SNX3: variants seen among roughly 807,000 people sequenced by gnomAD.
The protein encoded by SNX3 is sorting nexin-3.
A neutral mutation model predicts 17.7 loss-of-function variants in SNX3; 5 were observed. The observed-to-expected ratio is 0.28, with a 90% CI of 0.15 to 0.59. The LOEUF is 0.59. Ranked by LOEUF, SNX3 falls within the 20% of genes least tolerant of loss-of-function variation. The pLI, the probability that SNX3 is intolerant of heterozygous loss-of-function variation, is 0.88. For synonymous variants in SNX3, 91 were observed against 76.5 expected (o/e 1.19, Z -0.99); for missense variants, 132 against 206.8 (o/e 0.64, Z 2.22).
chr6:108,241,830 A>T (rs1775532034), intron 1 of SNX3, among the ~76,000 whole-genome samples: 1 of 152,228 alleles, frequency 6.6e-6, no homozygotes, highest in Non-Finnish European at 1.5e-5. Context: ...AGCCATAGAC[A>T]GGAGGATAAA....
intron 1 of SNX3, among the ~76,000 whole-genome samples, chr6:108,256,897 C>T (rs2114773826): frequency 6.6e-6 from 1 of 152,258 alleles, no homozygotes; most frequent in East Asian, 1.9e-4. Context: ...AAACATAACA[C>T]TGTGTAATTA....
intron 1 of SNX3, among the ~76,000 whole-genome samples, chr6:108,246,875 T>C (rs1178506421): frequency 1.3e-5 from 2 of 152,080 alleles, no homozygotes; most frequent in Non-Finnish European, 2.9e-5. Flanking sequence ...TGGATTAGCT[T>C]CTGGCAAGAG....
In SNX3 at chr6:108,241,615, T is replaced by TA. The variant is rs556126037; in HGVS notation, c.163-18571dup. Among the ~76,000 whole-genome samples the TA allele has an allele frequency of 9.2e-4, 132 of 143,314 alleles. 6 individuals are homozygous for TA. In the East Asian group the frequency reaches 0.012, roughly 13 times the overall value. 94.0% of individuals were successfully genotyped at this position (143,314 alleles called of 152,430 possible). A position where few individuals can be genotyped will look rare whatever the true frequency, so the allele number is the denominator to read the frequency against. ...AGGGTGACCCTTAGAAAACCTGGCT[T>TA]AAAAAAAAAAAATTGATCCGTGCTA... On this transcript the variant is annotated intron_variant, in intron 1 of 3. Transcript: ENST00000230085.
chr6:108,258,105 A>C lies in SNX3; in HGVS notation c.162+2655T>G, dbSNP rs146831071. Among the ~76,000 whole-genome samples the C allele has an allele frequency of 2.6e-3, 401 of 152,350 alleles. 1 individual carries two copies. The highest frequency in any genetic ancestry group is 9.3e-3 in the African/African-American group (386 of 41,582). On this transcript the variant is annotated intron_variant, in intron 1 of 3. Transcript: ENST00000230085. ...ACCCAGTGAGTTGGTTTATACAAAA[A>C]TACAAACCAAAGTAAGTGTATAATT...
chr6:108,242,422 G>A (rs981193913), intron 1 of SNX3, among the ~76,000 whole-genome samples: 9 of 152,068 alleles, frequency 5.9e-5, no homozygotes, highest in Non-Finnish European at 1.0e-4. Flanking sequence ...AGTGGCAAGA[G>A]AAATCTACTC....
chr6:108,258,250 G>C (rs1375939393), intron 1 of SNX3, among the ~76,000 whole-genome samples: 1 of 151,994 alleles, frequency 6.6e-6, no homozygotes, highest in East Asian at 2.0e-4. Context: ...ACGAGGTCAG[G>C]AGTTCAAGAC....
intron 1 of SNX3, among the ~76,000 whole-genome samples, chr6:108,239,171 G>T (rs930203411): frequency 1.3e-5 from 2 of 152,224 alleles, no homozygotes; most frequent in Middle Eastern, 3.4e-3. Flanking sequence ...CCAAAGTGCT[G>T]GGATTACAGG....
Position 108,212,171 on chromosome 6 carries a change from G to A in SNX3, c.467C>T (p.Pro156Leu). ...QDEIIDKSYT[P>L]SKIRHA Reference sequence around the variant, plus strand: ...ATTTCAGGCATGTCTTATTTTAGATGGAGTATAGCTTTTATCTATTATTTC... The same window carrying A: ...ATTTCAGGCATGTCTTATTTTAGATAGAGTATAGCTTTTATCTATTATTTC... Residue 156 changes from proline to leucine, a missense_variant, in exon 4 of 4, where the codon CCA becomes CTA. By Grantham distance (98) the Pro-to-Leu change is moderately conservative. Transcript: ENST00000230085. 6.2e-7 allele frequency: 1 copy of A among 1,602,376 alleles called. No individual in the cohort carries two copies. The highest frequency in any genetic ancestry group is 8.5e-7 in the Non-Finnish European group (1 of 1,174,074).
At chr6:108,242,811 C>T (rs1455448316) in intron 1 of SNX3, among the ~76,000 whole-genome samples, 1 of 152,098 alleles carries the variant, frequency 6.6e-6, no homozygotes, top group Admixed American at 6.6e-5. Flanking sequence ...TTTAGTCTTC[C>T]CTGAGATCAA....
rs894656237 is a variant in SNX3, at chr6:108,234,096, G to A, written c.163-11051C>T. ...ATTTACAGTGTAAAGAGGGGGTGGG[G>A]AGGGGAGAGCGGAATACTCTTCCAA... On this transcript the variant is annotated intron_variant, in intron 1 of 3. Transcript: ENST00000230085. Among the ~76,000 whole-genome samples the A allele has an allele frequency of 5.9e-5, 9 of 152,084 alleles. No homozygotes were observed. The East Asian group carries it at 7.7e-4, about 13-fold the overall frequency.
At chr6:108,234,676 T>C (rs995816518) in intron 1 of SNX3, among the ~76,000 whole-genome samples, 4 of 152,214 alleles carry the variant, frequency 2.6e-5, no homozygotes, top group Non-Finnish European at 5.9e-5. Context: ...TTTCAGTATA[T>C]AGCCTTTTAG....
intron 2 of SNX3, among the ~76,000 whole-genome samples, 168 bp from the exon 3 acceptor site, chr6:108,214,790 A>G (rs1161863205): frequency 2.6e-5 from 4 of 152,354 alleles, no homozygotes; most frequent in African/African-American, 9.6e-5. Flanking sequence ...AAATGTTTAG[A>G]CAAATGCAGA....
At chr6:108,250,644 T>C (rs892000405) in intron 1 of SNX3, among the ~76,000 whole-genome samples, 1 of 152,170 alleles carries the variant, frequency 6.6e-6, no homozygotes, top group African/African-American at 2.4e-5. Flanking sequence ...AGGGGTGAGA[T>C]ACCAAGACCA....
chr6:108,223,835 A>T (rs558856563), intron 1 of SNX3, among the ~76,000 whole-genome samples: 15 of 152,206 alleles, frequency 9.9e-5, no homozygotes, highest in Non-Finnish European at 1.8e-4. Context: ...CAAGAACACA[A>T]CTTTTAAATG....
chr6:108,221,530 C>CA (rs1192174031), intron 2 of SNX3, among the ~76,000 whole-genome samples: 1 of 101,460 alleles, frequency 9.9e-6, no homozygotes, highest in Non-Finnish European at 2.1e-5. Flanking sequence ...TACAGTATTA[C>CA]ACTTTTTTTT....
chr6:108,254,020 G>A (rs1412722079), intron 1 of SNX3, among the ~76,000 whole-genome samples: 5 of 150,852 alleles, frequency 3.3e-5, no homozygotes, highest in Non-Finnish European at 7.4e-5. Context: ...CCAGCTACTC[G>A]GGAGGCTGAG....
At chr6:108,222,894 T>G in intron 2 of SNX3, 56 bp downstream of exon 2, 1 of 996,716 alleles carries the variant, frequency 1.0e-6, no homozygotes, top group Non-Finnish European at 1.6e-6. Context: ...TGAGAAATAT[T>G]AAACATTAAA....
intron 1 of SNX3, among the ~76,000 whole-genome samples, chr6:108,224,781 A>G (rs1774925558): frequency 6.6e-6 from 1 of 152,234 alleles, no homozygotes; most frequent in African/African-American, 2.4e-5. Context: ...CCAAGCTCAT[A>G]AACCCAGAGC....
chr6:108,223,105 G>T, intron 1 of SNX3, 60 bp from the exon 2 acceptor site: 1 of 846,782 alleles, frequency 1.2e-6, no homozygotes, highest in Non-Finnish European at 1.9e-6. Flanking sequence ...AAAAAAATGG[G>T]GGGACGGGTA....
Sources: gnomAD v4.1 joint callset for allele counts (sites outside exome capture counted in the v4.1 genomes callset) on GRCh38, gnomAD v4.1.1 for gene constraint, MANE v1.5 for transcripts, NCBI Gene and HGNC (gene_info 2026-07-23, HGNC 2026-07-21) for gene names.